Variants in G2E3 observed in about 807,000 individuals in gnomAD.
G2E3 encodes the protein G2/M phase-specific E3 ubiquitin-protein ligase.
G2E3 carries 35 observed loss-of-function variants against 92.8 expected under a neutral mutation model. That is an observed-to-expected ratio of 0.38 (90% CI 0.29 to 0.50). G2E3 has a LOEUF of 0.50. G2E3 is among the 20% of genes least tolerant of loss of function. The pLI, the probability that G2E3 is intolerant of heterozygous loss-of-function variation, is 0.94. For missense variants in G2E3, 554 were observed against 823.8 expected (o/e 0.67, Z 4.01); for synonymous variants, 242 against 272.4 (o/e 0.89, Z 1.10).
At chr14:30,601,400 A>C (rs1594501513) in intron 8 of G2E3, among the ~76,000 whole-genome samples, 1 of 152,192 alleles carries the variant, frequency 6.6e-6, no homozygotes, top group Non-Finnish European at 1.5e-5. Flanking sequence ...AAATTTACTG[A>C]ATGTTTCTTC....
At chr14:30,575,145 T>C (rs1396485790) in intron 1 of G2E3, among the ~76,000 whole-genome samples, 1 of 152,228 alleles carries the variant, frequency 6.6e-6, no homozygotes, top group Non-Finnish European at 1.5e-5. Context: ...TATCTCATTG[T>C]AGTTTTGATT....
intron 6 of G2E3, among the ~76,000 whole-genome samples, chr14:30,594,113 T>C (rs979701107): frequency 6.6e-6 from 1 of 152,188 alleles, no homozygotes; most frequent in Non-Finnish European, 1.5e-5. Context: ...ATTAAAAATA[T>C]TGGTTCTTTG....
intron 1 of G2E3, among the ~76,000 whole-genome samples, chr14:30,572,192 T>A (rs1879805047): frequency 6.6e-6 from 1 of 152,188 alleles, no homozygotes; most frequent in Non-Finnish European, 1.5e-5. Context: ...TTGCCTTGTT[T>A]CATTACAACT....
chr14:30,594,053 G>T (rs1881149532), intron 6 of G2E3, among the ~76,000 whole-genome samples: 1 of 152,096 alleles, frequency 6.6e-6, no homozygotes, highest in Non-Finnish European at 1.5e-5. Context: ...CTTCCCAATG[G>T]TAAGCACTTT....
intron 2 of G2E3, among the ~76,000 whole-genome samples, chr14:30,584,778 A>G (rs1880613273): frequency 6.7e-6 from 1 of 148,620 alleles, no homozygotes; most frequent in Admixed American, 6.7e-5. Flanking sequence ...CATCCTGGCT[A>G]CTAGACCTTT....
In G2E3 at chr14:30,574,052, A is replaced by G. The variant is rs79980516; in HGVS notation, c.-4-7024A>G. ...GAAAGTTGCAAGAAAAGTACAAAGA[A>G]CTACATATGCCCTTACCTAGATTAA... On this transcript the variant is annotated intron_variant, in intron 1 of 14. Transcript: ENST00000206595. 8.5e-5 allele frequency among the ~76,000 whole-genome samples: 13 copies of G among 152,314 alleles called. No individual in the cohort carries two copies. In the East Asian group the frequency reaches 2.1e-3, roughly 25 times the overall value.
chr14:30,607,654 A>G (rs1485032076), intron 11 of G2E3, among the ~76,000 whole-genome samples: 2 of 152,242 alleles, frequency 1.3e-5, no homozygotes, highest in African/African-American at 2.4e-5. Context: ...AGTGGTTATT[A>G]TGGTGGTAGG....
At chr14:30,586,875 T>G in intron 3 of G2E3, 60 bp downstream of exon 3, 1 of 539,150 alleles carries the variant, frequency 1.9e-6, no homozygotes, top group Non-Finnish European at 3.3e-6. Context: ...ATAGTAAGAT[T>G]CTGACACTGA....
intron 1 of G2E3, among the ~76,000 whole-genome samples, chr14:30,568,217 T>G (rs990286241): frequency 6.6e-6 from 1 of 152,114 alleles, no homozygotes. Flanking sequence ...TGTCTGACAT[T>G]AGTATAAACA....
chr14:30,595,037 C>T (rs1025215047), intron 6 of G2E3, among the ~76,000 whole-genome samples: 33 of 151,252 alleles, frequency 2.2e-4, no homozygotes, highest in African/African-American at 7.3e-4. Flanking sequence ...ACTTAGGAGG[C>T]GGAGGCAGGA....
chr14:30,587,189 A>C lies in G2E3; in HGVS notation c.135+374A>C, dbSNP rs538323565. 2.8e-4 allele frequency among the ~76,000 whole-genome samples: 42 copies of C among 152,298 alleles called. No individual in the cohort carries two copies. The East Asian group carries it at 7.3e-3, about 27-fold the overall frequency. ...ATTTGTTTGAGGGTTCAGGGAGTGG[A>C]ATAAAAGTATTTTATTTCACACAGA... On this transcript the variant is annotated intron_variant, in intron 3 of 14. Transcript: ENST00000206595.
intron 4 of G2E3, chr14:30,590,565 C>T: frequency 2.4e-6 from 1 of 413,000 alleles, no homozygotes; most frequent in Non-Finnish European, 4.9e-6. Flanking sequence ...AAATAAGCAG[C>T]TTTATTCAAG....
chr14:30,569,138 T>G (rs1879608903), intron 1 of G2E3, among the ~76,000 whole-genome samples: 1 of 152,092 alleles, frequency 6.6e-6, no homozygotes, highest in South Asian at 2.1e-4. Context: ...TTGTAAAAAG[T>G]CAAACAATGC....
In G2E3 at chr14:30,612,358, G is replaced by GAGT; in HGVS notation, c.1653_1655dup (p.Val552dup). 2 of 1,603,390 alleles carry GAGT rather than the reference G, an allele frequency of 1.2e-6. No individual in the cohort carries two copies. The highest frequency in any genetic ancestry group is 1.7e-6 in the Non-Finnish European group (2 of 1,172,944). ...ATACTTGGCTACCATGTAATTCAGA[G>GAGT]AGTCCACACACCCTTTGAAAGGTAA... On this transcript the variant is annotated inframe_insertion, in exon 13 of 15. Coordinates refer to ENST00000206595, the MANE Select transcript of G2E3 (RefSeq NM_017769.5).
chr14:30,562,687 C>G (rs149716367), intron 1 of G2E3, among the ~76,000 whole-genome samples: 2,949 of 152,180 alleles, frequency 0.019, 53 homozygotes, highest in Middle Eastern at 0.034. Context: ...CCCGCAGTTA[C>G]CTGGAGGCCT....
intron 1 of G2E3, among the ~76,000 whole-genome samples, chr14:30,577,019 G>C (rs1318638357): frequency 3.3e-5 from 5 of 152,020 alleles, no homozygotes; most frequent in Admixed American, 3.3e-4. Flanking sequence ...GAGGTCAAGA[G>C]ATTAAGACCA....
chr14:30,589,320 A>T, intron 3 of G2E3, 63 bp from the exon 4 acceptor site: 2 of 895,180 alleles, frequency 2.2e-6, no homozygotes, highest in Non-Finnish European at 3.7e-6. Flanking sequence ...GTATGGATAT[A>T]TATTTTTTTA....
chr14:30,565,850 G>T (rs560319533), intron 1 of G2E3, among the ~76,000 whole-genome samples: 1 of 151,558 alleles, frequency 6.6e-6, no homozygotes, highest in African/African-American at 2.4e-5. Context: ...TTTTAGTAGA[G>T]ACTGGGTTTC....
intron 1 of G2E3, among the ~76,000 whole-genome samples, chr14:30,568,697 C>T (rs140609202): frequency 0.012 from 1,759 of 152,160 alleles, 13 homozygotes; most frequent in Non-Finnish European, 0.017. Flanking sequence ...ATCCTTCTTC[C>T]TAAATGTTAT....
Sources: allele counts gnomAD v4.1 joint callset (sites outside exome capture counted in the v4.1 genomes callset), GRCh38; gene constraint gnomAD v4.1.1; transcripts MANE v1.5; gene names NCBI Gene and HGNC (gene_info 2026-07-23, HGNC 2026-07-21).